Variants in TRPM2 observed in about 807,000 individuals in gnomAD.
The protein encoded by TRPM2 is estrogen-responsive element-associated gene 1 protein.
TRPM2 carries 161 observed loss-of-function variants against 174.0 expected under a neutral mutation model. That is an observed-to-expected ratio of 0.93 (90% confidence interval 0.81 to 1.05). TRPM2 has a LOEUF of 1.05. Ranked by LOEUF, TRPM2 falls within the 50% of genes least tolerant of loss-of-function variation. The pLI, the probability that TRPM2 is intolerant of heterozygous loss-of-function variation, is 0.00. For synonymous variants in TRPM2, 954 were observed against 861.3 expected (o/e 1.11, Z -1.88); for missense variants, 2,057 against 2,038.0 (o/e 1.01, Z -0.18).
Position 44,391,769 on chromosome 21 carries a change from A to C in TRPM2, c.1794+144A>C. 1.2e-6 allele frequency: 1 copy of C among 803,832 alleles called. No homozygotes were observed. Among genetic ancestry groups the C allele is most frequent in the South Asian group, 2.0e-5 (1 of 50,246 alleles). 49.8% of individuals were successfully genotyped at this position (803,832 alleles called of 1,614,324 possible). ...CTTAGGCTGCTTGGGCTGCTGTAAC[A>C]AAATTCCACAGATGGGGCAGAAACT... On this transcript the variant is annotated intron_variant, in intron 11 of 31. Coordinates refer to ENST00000397928, the MANE Select transcript of TRPM2 (RefSeq NM_003307.4). The surrounding 1 kb of genome is among the most constrained non-coding windows in gnomAD (Gnocchi z 5.0).
chr21:44,399,203 T>C lies in TRPM2; in HGVS notation c.2063-93T>C. On this transcript the variant is annotated intron_variant, in intron 13 of 31. Coordinates refer to ENST00000397928, the MANE Select transcript of TRPM2 (RefSeq NM_003307.4). This position sits in a 1 kb window ranked among gnomAD's most constrained non-coding sequence, Gnocchi z 4.6. ...CCCTGTGCCCTTCCCTGTGTCCTGG[T>C]GGTGCTGTCCCGAGTGGTTGCCCTC... 1 of 1,470,940 alleles carries C rather than the reference T, an allele frequency of 6.8e-7. No homozygotes were observed. The highest frequency in any genetic ancestry group is 9.1e-7 in the Non-Finnish European group (1 of 1,097,090). The allele number at this position is 1,470,940 out of a possible 1,614,324, so 91.1% of individuals were successfully genotyped here.
rs1264021954 is a variant in TRPM2 at position 44,423,680 on chromosome 21, C to T, written c.3497C>T (p.Pro1166Leu). Reference sequence around the variant, plus strand: ...ATGGTGGACCTGCTGGACCTGGACCCACTGAAGAGGTCGGGCTCCATGGAG... The same window carrying T: ...ATGGTGGACCTGCTGGACCTGGACCTACTGAAGAGGTCGGGCTCCATGGAG... ...DAMVDLLDLD[P>L]LKRSGSMEQR... Residue 1166 changes from proline (P) to leucine (L), a missense_variant, in exon 23 of 32, where the codon CCA becomes CTA. Pro to Leu is a moderately conservative substitution (Grantham distance 98). Coordinates refer to ENST00000397928, the MANE Select transcript of TRPM2 (RefSeq NM_003307.4). 1 of 1,612,948 alleles carries T rather than the reference C, an allele frequency of 6.2e-7. No homozygotes were observed. The highest frequency in any genetic ancestry group is 1.3e-5 in the African/African-American group (1 of 74,916).
chr21:44,368,488 G>T (rs2048422124), intron 4 of TRPM2, among the ~76,000 whole-genome samples: 1 of 151,414 alleles, frequency 6.6e-6, no homozygotes. Flanking sequence ...TGCAGTGGTG[G>T]TGGCGCTATC....
chr21:44,422,311 G>A (rs1257081435), intron 22 of TRPM2: 1 of 1,535,990 alleles, frequency 6.5e-7, no homozygotes, highest in Non-Finnish European at 8.7e-7. Context: ...AGCTCTGTCT[G>A]CAAATCTAGA....
upstream of TRPM2, chr21:44,353,575 A>G (rs2047966183): frequency 8.0e-7 from 1 of 1,248,172 alleles, no homozygotes; most frequent in Non-Finnish European, 1.0e-6. Flanking sequence ...CATCAGCCTC[A>G]TCTTCCTGTC....
At chr21:44,388,650 C>CAAAAAA (rs60322957) in intron 9 of TRPM2, among the ~76,000 whole-genome samples, 3 of 82,982 alleles carry the variant, frequency 3.6e-5, no homozygotes, top group African/African-American at 7.8e-5. Flanking sequence ...CCTGTCACTA[C>CAAAAAA]AAAAAAAAAA....
rs45521035 is a variant in TRPM2 at position 44,399,862 on chromosome 21, C to T, written c.2209-397C>T. On this transcript the variant is annotated intron_variant, in intron 14 of 31. Coordinates refer to ENST00000397928, the MANE Select transcript of TRPM2 (RefSeq NM_003307.4). The surrounding 1 kb of genome is among the most constrained non-coding windows in gnomAD (Gnocchi z 4.6). ...TGGAACCCCCGGCAGGGCCTGGCTC[C>T]CAGCGAGTGCCCCTTGCACGCTGGG... is the stretch of plus-strand genomic sequence containing the variant. 6.6e-6 allele frequency among the ~76,000 whole-genome samples: 1 copy of T among 152,142 alleles called. No individual in the cohort carries two copies. Among genetic ancestry groups the T allele is most frequent in the Admixed American group, 6.5e-5 (1 of 15,276 alleles).
intron 2 of TRPM2, among the ~76,000 whole-genome samples, chr21:44,355,154 C>T (rs879824196): frequency 6.6e-6 from 1 of 152,168 alleles, no homozygotes; most frequent in African/African-American, 2.4e-5. Flanking sequence ...CCCCCCTGCA[C>T]AGCTTGCCAA....
Position 44,439,293 on chromosome 21 carries a change from G to A in TRPM2, c.4269+125G>A. The A allele has an allele frequency of 2.5e-6, 2 of 813,606 alleles. No individual in the cohort carries two copies. The highest frequency in any genetic ancestry group is 2.4e-4 in the Middle Eastern group (1 of 4,126). The allele number at this position is 813,606 out of a possible 1,614,324, so 50.4% of individuals were successfully genotyped here. ...CAGCGGTCCCACCCAGCTTCACCAG[G>A]TGACGGTGGTCCCAGCCCCTGCCCC... On this transcript the variant is annotated intron_variant, in intron 30 of 31. Coordinates refer to ENST00000397928, the MANE Select transcript of TRPM2 (RefSeq NM_003307.4). This position sits in a 1 kb window ranked among gnomAD's most constrained non-coding sequence, Gnocchi z 5.1.
In TRPM2 at chr21:44,369,321, G is replaced by C; in HGVS notation, c.749G>C (p.Arg250Pro). 1.2e-6 allele frequency: 2 copies of C among 1,612,862 alleles called. No homozygotes were observed. Among genetic ancestry groups the C allele is most frequent in the South Asian group, 1.1e-5 (1 of 90,968 alleles). The change falls in exon 5 of 32, where the codon CGC becomes CCC. Residue 250 changes from arginine to proline, a missense_variant. By Grantham distance (103) the Arg-to-Pro change is moderately radical. Coordinates refer to ENST00000397928, the MANE Select transcript of TRPM2 (RefSeq NM_003307.4). ...GCCACCTGGGGCACTGTCCACCGCC[G>C]CGAGGGCCTGATCCATCCCACGGTG... ...GVATWGTVHR[R>P]EGLIHPTGSF...
At chr21:44,437,198 A>G (rs1218565940) in intron 29 of TRPM2, 31 bp downstream of exon 29, 4 of 1,535,816 alleles carry the variant, frequency 2.6e-6, no homozygotes, top group East Asian at 4.9e-5. Flanking sequence ...ACCTCTGTCC[A>G]CTGGGCTGTC....
chr21:44,359,569 G>T (rs1367417371), intron 2 of TRPM2, among the ~76,000 whole-genome samples: 1 of 150,262 alleles, frequency 6.7e-6, no homozygotes, highest in African/African-American at 2.5e-5. Flanking sequence ...TCTGGTTCAG[G>T]TTTCATCTGG....
rs961384379 is a variant in TRPM2 at position 44,405,993 on chromosome 21, A to G, written c.2746A>G (p.Ile916Val). The part of the protein sequence containing the change: ...FCLRLMHIFT[I>V]SKTLGPKIII... ...CCTCCGGCTCATGCACATTTTTACC[A>G]TCAGTAAGACGCTGGGGCCCAAGAT... Residue 916 changes from isoleucine to valine, a missense_variant, in exon 18 of 32, where the codon ATC (isoleucine) becomes GTC (valine). By Grantham distance (29) the Ile-to-Val change is conservative. Coordinates refer to ENST00000397928, the MANE Select transcript of TRPM2 (RefSeq NM_003307.4). 4.4e-6 allele frequency: 7 copies of G among 1,608,520 alleles called. No homozygotes were observed. The African/African-American group carries it at 8.0e-5, about 18-fold the overall frequency.
chr21:44,376,344 C>T lies in TRPM2; in HGVS notation c.952+331C>T, dbSNP rs1395451958. ...GTCATCTTCTCTTGCCCATTTTAGC[C>T]AGTGGGAGGGCGGTCTGGGGGGCTG... On this transcript the variant is annotated intron_variant, in intron 6 of 31. Transcript: ENST00000397928. The surrounding 1 kb of genome is among the most constrained non-coding windows in gnomAD (Gnocchi z 4.2). Among the ~76,000 whole-genome samples, 2 of 152,164 alleles carry T rather than the reference C, an allele frequency of 1.3e-5. No homozygotes were observed. Among genetic ancestry groups the T allele is most frequent in the Admixed American group, 1.3e-4 (2 of 15,276 alleles).
At position 44,430,044 on chromosome 21, in the gene TRPM2, T is replaced by C. The variant is rs80344808; in HGVS notation, c.3974+2933T>C. Among the ~76,000 whole-genome samples, 1,228 of 152,356 alleles carry C rather than the reference T, an allele frequency of 8.1e-3. 22 individuals carry two copies. Among genetic ancestry groups the C allele is most frequent in the African/African-American group, 0.028 (1,168 of 41,568 alleles). On this transcript the variant is annotated intron_variant, in intron 27 of 31. Coordinates refer to ENST00000397928, the MANE Select transcript of TRPM2 (RefSeq NM_003307.4). ...AGATAGTTATAAGATGTTTCCCCTTTAGCCAATTAGTGTGTGAATTATTTT... is the reference window on the plus strand; with the variant it reads ...AGATAGTTATAAGATGTTTCCCCTTCAGCCAATTAGTGTGTGAATTATTTT...
chr21:44,425,494 C>T (rs1217095844), intron 24 of TRPM2, 176 bp from the exon 25 acceptor site: 2 of 687,424 alleles, frequency 2.9e-6, no homozygotes, highest in African/African-American at 1.8e-5. Flanking sequence ...TGGCTGTCCT[C>T]CCTGGGGGCC....
At chr21:44,393,349 T>C (rs1262055735) in intron 11 of TRPM2, among the ~76,000 whole-genome samples, 2 of 152,230 alleles carry the variant, frequency 1.3e-5, no homozygotes, top group African/African-American at 4.8e-5. Flanking sequence ...TGAATTATTT[T>C]AATAGATTTT....
At chr21:44,427,278 C>T (rs1318488732) in intron 27 of TRPM2, among the ~76,000 whole-genome samples, 167 bp downstream of exon 27, 1 of 152,252 alleles carries the variant, frequency 6.6e-6, no homozygotes, top group African/African-American at 2.4e-5. Flanking sequence ...TCCGTAGCCC[C>T]CAGGACTGGG....
intron 29 of TRPM2, among the ~76,000 whole-genome samples, chr21:44,437,601 G>A (rs573098247): frequency 6.6e-5 from 10 of 152,276 alleles, no homozygotes; most frequent in Admixed American, 2.0e-4. Context: ...GCAGGTACAG[G>A]AGTAGGGGCA....
Sources: allele counts gnomAD v4.1 joint callset (sites outside exome capture counted in the v4.1 genomes callset), GRCh38; gene constraint gnomAD v4.1.1; non-coding constraint Gnocchi (gnomAD v3.1); transcripts MANE v1.5; gene names NCBI Gene and HGNC (gene_info 2026-07-23, HGNC 2026-07-21).